Variants in LIG1 observed in about 807,000 individuals in gnomAD.
The protein encoded by LIG1 is ligase I, DNA, ATP-dependent.
In LIG1, 70 loss-of-function variants were observed where a neutral mutation model predicts 115.7. That is an observed-to-expected ratio of 0.60 (90% CI 0.50 to 0.74). The LOEUF (loss-of-function observed/expected upper bound fraction) is 0.74, where lower values mean the gene tolerates loss of function less well. LIG1 is among the 30% of genes least tolerant of loss of function. The pLI is 0.00. For missense variants in LIG1, 1,115 were observed against 1,225.6 expected, an observed-to-expected ratio of 0.91 and a Z score of 1.35; for synonymous variants, 487 against 495.3, an observed-to-expected ratio of 0.98 and a Z score of 0.22.
chr19:48,123,005 C>T lies in LIG1; in HGVS notation c.2161G>A (p.Gly721Arg). 6.2e-7 allele frequency: 1 copy of T among 1,613,758 alleles called. No homozygotes were observed. The change falls in exon 23 of 28, where the codon GGG becomes AGG. Residue 721 changes from glycine to arginine, a missense_variant. Gly to Arg is a moderately radical substitution (Grantham distance 125). Transcript: ENST00000263274. ...LEQSVKDSCE[G>R]LMVKTLDVDA... ...ACATCCAGGGTCTTCACCATCAGCC[C>T]CTCGCAGGAGTCTGAGGGAGACACA...
intron 21 of LIG1, chr19:48,123,556 G>C (rs988574489): frequency 5.2e-6 from 3 of 576,164 alleles, no homozygotes; most frequent in Non-Finnish European, 9.3e-6. Context: ...AGCATCAGAC[G>C]GGGGGCTGCG....
chr19:48,164,221 T>C (rs994841930), intron 2 of LIG1, among the ~76,000 whole-genome samples: 1 of 152,042 alleles, frequency 6.6e-6, no homozygotes, highest in African/African-American at 2.4e-5. Flanking sequence ...GGAAAAATCA[T>C]GCAAAAGCCA....
In LIG1 at chr19:48,149,878, C is replaced by T. The variant is rs555139146; in HGVS notation, c.698-37G>A. The T allele has an allele frequency of 4.4e-6, 7 of 1,595,216 alleles. No individual in the cohort carries two copies. In the African/African-American group the frequency reaches 9.4e-5, roughly 21 times the overall value. On this transcript the variant is annotated intron_variant, in intron 8 of 27. Coordinates refer to ENST00000263274, the MANE Select transcript of LIG1 (RefSeq NM_000234.3). ...GACAGAAAACAGTGGGTCTTTTCTCCTTCCGGTAGCCCCCACCTCCCATCC... is the reference window on the plus strand; with the variant it reads ...GACAGAAAACAGTGGGTCTTTTCTCTTTCCGGTAGCCCCCACCTCCCATCC...
chr19:48,140,996 C>T (rs893992389), intron 11 of LIG1, among the ~76,000 whole-genome samples: 10 of 152,196 alleles, frequency 6.6e-5, no homozygotes, highest in Non-Finnish European at 1.3e-4. Flanking sequence ...GTCTAGGCAG[C>T]GGGCAAGGTG....
Position 48,157,005 on chromosome 19 carries a change from T to G in LIG1, c.370+9A>C. 2 of 1,467,498 alleles carry G rather than the reference T, an allele frequency of 1.4e-6. No homozygotes were observed. Among genetic ancestry groups the G allele is most frequent in the Non-Finnish European group, 1.9e-6 (2 of 1,066,098 alleles). The allele number at this position is 1,467,498 out of a possible 1,614,324, so 90.9% of individuals were successfully genotyped here. A position where few individuals can be genotyped will look rare whatever the true frequency, so the allele number is the denominator to read the frequency against. On this transcript the variant is annotated intron_variant, in intron 5 of 27. Coordinates refer to ENST00000263274, the MANE Select transcript of LIG1 (RefSeq NM_000234.3). ...GCGACTGAAGGGGCAGGGGCCCGTG[T>G]GTTCTCACCTGTGCGACGCTTCGGA...
chr19:48,139,955 CCA>C lies in LIG1; in HGVS notation c.1087+14_1087+15del. 6.2e-7 allele frequency: 1 copy of C among 1,614,032 alleles called. No homozygotes were observed. Among genetic ancestry groups the C allele is most frequent in the Non-Finnish European group, 8.5e-7 (1 of 1,179,956 alleles). On this transcript the variant is annotated intron_variant, in intron 12 of 27. Coordinates refer to ENST00000263274, the MANE Select transcript of LIG1 (RefSeq NM_000234.3). ...GCTCCTGTCCTTCTGGTCCCTCCAACCACAGTCCCCCTTACCTGTGGCCTGGG... is the reference window on the plus strand; with the variant it reads ...GCTCCTGTCCTTCTGGTCCCTCCAACCAGTCCCCCTTACCTGTGGCCTGGG...
intron 6 of LIG1, 114 bp from the exon 7 acceptor site, chr19:48,151,453 G>C (rs1029497458): frequency 1.3e-6 from 1 of 744,932 alleles, no homozygotes; most frequent in African/African-American, 1.7e-5. Context: ...TTTTGAGACA[G>C]AGTTTCGTTC....
intron 26 of LIG1, among the ~76,000 whole-genome samples, chr19:48,117,214 C>T (rs1026998317): frequency 2.0e-5 from 3 of 152,048 alleles, no homozygotes; most frequent in Admixed American, 2.0e-4. Context: ...GGATGGAGTA[C>T]AGTGGTGTGA....
rs752805843 is a variant in LIG1, at chr19:48,140,109, G to A, written c.949C>T (p.Arg317Cys). Reference protein sequence around the residue: ...RMVETLSNLLRSVVALSPPDL... With the variant: ...RMVETLSNLLCSVVALSPPDL... The stretch of plus-strand genomic sequence containing the variant: ...GGAGGCGACAGGGCCACCACGGAGC[G>A]CAGCAAGTTGCTCAGCGTCTCCACC... The change falls in exon 12 of 28, where the codon CGC becomes TGC. Residue 317 changes from arginine (R) to cysteine (C), a missense_variant. Arg to Cys is a radical substitution (Grantham distance 180). Transcript: ENST00000263274. The A allele has an allele frequency of 1.7e-5, 27 of 1,613,622 alleles. No individual in the cohort carries two copies. The highest frequency in any genetic ancestry group is 1.7e-4 in the Middle Eastern group (1 of 6,032).
chr19:48,132,746 A>C (rs1206982710), intron 18 of LIG1, among the ~76,000 whole-genome samples: 2 of 142,500 alleles, frequency 1.4e-5, no homozygotes, highest in African/African-American at 2.7e-5. Flanking sequence ...AGCCAAGATC[A>C]TGCCAATGCA....
chr19:48,150,198 G>T lies in LIG1; in HGVS notation c.587C>A (p.Pro196Gln), dbSNP rs377419114. Residue 196 changes from proline (P) to glutamine (Q), a missense_variant, in exon 8 of 28, where the codon CCG becomes CAG. Transcript: ENST00000263274. ...KPLKTSKAET[P>Q]TESVSEPEVA... Reference sequence around the variant, plus strand: ...CTCAGGCTCTGAAACGCTTTCCGTCGGGGTCTCTGCTTCTGCGGTGAGAGA... The same window carrying T: ...CTCAGGCTCTGAAACGCTTTCCGTCTGGGTCTCTGCTTCTGCGGTGAGAGA... 4 of 1,614,136 alleles carry T rather than the reference G, an allele frequency of 2.5e-6. No individual in the cohort carries two copies. The highest frequency in any genetic ancestry group is 3.4e-6 in the Non-Finnish European group (4 of 1,180,030).
chr19:48,153,005 T>C (rs1404429868), intron 6 of LIG1, among the ~76,000 whole-genome samples: 1 of 152,044 alleles, frequency 6.6e-6, no homozygotes, highest in Non-Finnish European at 1.5e-5. Flanking sequence ...GAGACCAGCT[T>C]GGTCAACATA....
At chr19:48,134,103 T>G in intron 16 of LIG1, 37 bp from the exon 17 acceptor site, 1 of 1,520,860 alleles carries the variant, frequency 6.6e-7, no homozygotes, top group African/African-American at 1.4e-5. Flanking sequence ...GGGGAAGCCT[T>G]TCTAGAACTC....
rs180766760 is a variant in LIG1 at position 48,165,213 on chromosome 19, T to C, written c.17+337A>G. ...GGCGGAGGTTGCAGTGAGCCGAGAT[T>C]GCGCCACTGTACTCCAGCCTGGGTG... is the stretch of plus-strand genomic sequence containing the variant. On this transcript the variant is annotated intron_variant, in intron 2 of 27. Transcript: ENST00000263274. Among the ~76,000 whole-genome samples, 83 of 151,876 alleles carry C rather than the reference T, an allele frequency of 5.5e-4. 1 individual carries two copies. The South Asian group carries it at 7.9e-3, about 14-fold the overall frequency.
chr19:48,150,058 C>T (rs748651412), intron 8 of LIG1, 30 bp downstream of exon 8: 6 of 1,614,058 alleles, frequency 3.7e-6, no homozygotes, highest in South Asian at 2.2e-5. Flanking sequence ...TGTACAACCC[C>T]GGGAGGTGGG....
intron 10 of LIG1, 130 bp downstream of exon 10, chr19:48,143,753 A>G: frequency 9.4e-7 from 1 of 1,064,748 alleles, no homozygotes; most frequent in East Asian, 2.4e-5. Context: ...GTCCCTTTCA[A>G]TGCTGCTGAT....
chr19:48,143,554 C>T lies in LIG1; in HGVS notation c.903G>A (p.Glu301=). 1 of 1,432,314 alleles carries T rather than the reference C, an allele frequency of 7.0e-7. No individual in the cohort carries two copies. The highest frequency in any genetic ancestry group is 9.4e-7 in the Non-Finnish European group (1 of 1,065,432). The allele number at this position is 1,432,314 out of a possible 1,614,324, so 88.7% of individuals were successfully genotyped here. ...AVARTFEKIE[E]VSARLRMVET... ...TCCTCATTAGTTACCGAGCAGACAC[C>T]TCCTCGATCTTCTCAAACGTCCGGG... Residue 301 remains glutamate (E), a synonymous_variant, in exon 11 of 28, where the codon GAG becomes GAA. Coordinates refer to ENST00000263274, the MANE Select transcript of LIG1 (RefSeq NM_000234.3).
rs370348589 is a variant in LIG1 at position 48,165,567 on chromosome 19, G to A, written c.-1C>T. 206 of 1,613,766 alleles carry A rather than the reference G, an allele frequency of 1.3e-4. No homozygotes were observed. Among genetic ancestry groups the A allele is most frequent in the Non-Finnish European group, 1.6e-4 (193 of 1,179,798 alleles). On this transcript the variant is annotated 5_prime_UTR_variant, in exon 2 of 28. Transcript: ENST00000263274. Reference sequence around the variant, plus strand: ...GTGCTCACATGATACTTCGCTGCATGTTGGCGTCAGAATTCTCCCTTCCTG... The same window carrying A: ...GTGCTCACATGATACTTCGCTGCATATTGGCGTCAGAATTCTCCCTTCCTG...
chr19:48,144,848 G>A (rs2035015559), intron 9 of LIG1, among the ~76,000 whole-genome samples: 1 of 152,182 alleles, frequency 6.6e-6, no homozygotes, highest in South Asian at 2.1e-4. Context: ...GGAAACTGGG[G>A]CACAGAGTGA....
Sources: allele counts gnomAD v4.1 joint callset (sites outside exome capture counted in the v4.1 genomes callset), GRCh38; gene constraint gnomAD v4.1.1; transcripts MANE v1.5; gene names NCBI Gene and HGNC (gene_info 2026-07-23, HGNC 2026-07-21).